NEBL: variants seen among roughly 807,000 people sequenced by gnomAD.
NEBL encodes the protein nebulette.
A neutral mutation model predicts 140.2 loss-of-function variants in NEBL; 122 were observed. The observed-to-expected ratio is 0.87, with a 90% CI of 0.75 to 1.01. The LOEUF is 1.01. NEBL is among the 50% of genes least tolerant of loss of function. The probability of loss-of-function intolerance (pLI) is 0.00; values close to 1 mark genes in which losing one functional copy is unlikely to be tolerated. For synonymous variants in NEBL, 436 were observed against 398.9 expected (o/e 1.09, Z -1.11); for missense variants, 1,365 against 1,231.3 (o/e 1.11, Z -1.62).
rs566475877 is a variant in NEBL at position 21,232,054 on chromosome 10, A to T, written n.348+15867T>A. Among the ~76,000 whole-genome samples, 4 of 152,320 alleles carry T rather than the reference A, an allele frequency of 2.6e-5. No homozygotes were observed. In the South Asian group the frequency reaches 8.3e-4, roughly 32 times the overall value. On this transcript the variant is annotated intron_variant and non_coding_transcript_variant, in intron 3 of 8. Transcript: ENST00000675702. The stretch of plus-strand genomic sequence containing the variant: ...CAAATTATAAATAGGACCCAAAGCC[A>T]TGCCAGACAAGGGTTAAGTCACACT...
chr10:20,961,291 A>G (rs955106006), intron 4 of NEBL, among the ~76,000 whole-genome samples: 1 of 152,216 alleles, frequency 6.6e-6, no homozygotes, highest in African/African-American at 2.4e-5. Flanking sequence ...ATGAAATCTT[A>G]TAGACACCTA....
At chr10:20,910,830 T>G (rs1159599562) in intron 4 of NEBL, among the ~76,000 whole-genome samples, 1 of 36,886 alleles carries the variant, frequency 2.7e-5, no homozygotes, top group African/African-American at 5.6e-5. Flanking sequence ...TCGTTTTTGT[T>G]TTTTTTTTTT....
chr10:20,927,224 T>C (rs1053881273), intron 4 of NEBL, among the ~76,000 whole-genome samples: 1 of 152,244 alleles, frequency 6.6e-6, no homozygotes, highest in African/African-American at 2.4e-5. Context: ...GTTTGGGATG[T>C]GCTGACCCGC....
At chr10:21,141,020 T>C (rs1289271427) in intron 2 of NEBL, among the ~76,000 whole-genome samples, 1 of 139,478 alleles carries the variant, frequency 7.2e-6, no homozygotes. Flanking sequence ...AATCTAATCA[T>C]GAGGAGACAT....
At chr10:20,983,922 T>C (rs1490677450) in intron 3 of NEBL, among the ~76,000 whole-genome samples, 1 of 152,258 alleles carries the variant, frequency 6.6e-6, no homozygotes, top group Non-Finnish European at 1.5e-5. Flanking sequence ...AAAATTCTTT[T>C]ATAGCAATTA....
rs1284618007 is a variant in NEBL, at chr10:20,840,758, G to T, written c.1319C>A (p.Ala440Asp). Residue 440 changes from alanine (A) to aspartate (D), a missense_variant, in exon 13 of 28, where the codon GCC becomes GAC. By Grantham distance (126) the Ala-to-Asp change is moderately radical. Around this residue, in one of 2 missense-constraint regions of NEBL, gnomAD observed 1,323 missense variants for 1,154.8 expected, o/e 1.15. Transcript: ENST00000377122. ...EVLDIQRAKR[A>D]SEMASEKEYK... ...ACTCACCTCACTTGCCATTTCAGAG[G>T]CTCGCTTTGCTCTTTGGATATCAAG... 4 of 1,609,848 alleles carry T rather than the reference G, an allele frequency of 2.5e-6. No individual in the cohort carries two copies. The highest frequency in any genetic ancestry group is 2.5e-6 in the Non-Finnish European group (3 of 1,176,828).
rs1042873153 is a variant in NEBL, at chr10:20,974,352, C to G, written c.250-12573G>C. Among the ~76,000 whole-genome samples the G allele has an allele frequency of 2.6e-5, 4 of 151,214 alleles. 1 individual carries two copies. The South Asian group carries it at 8.3e-4, about 32-fold the overall frequency. Reference sequence around the variant, plus strand: ...CACTGCAGCCTCAACGTCTTGGGCTCAAGCGATCCTCCCATCTCAGCCTTT... The same window carrying G: ...CACTGCAGCCTCAACGTCTTGGGCTGAAGCGATCCTCCCATCTCAGCCTTT... On this transcript the variant is annotated intron_variant, in intron 3 of 6. Coordinates refer to the NEBL transcript ENST00000417816.
At chr10:21,274,266 CCAGA>C (rs1842892560) in intron 1 of NEBL, among the ~76,000 whole-genome samples, 1 of 152,092 alleles carries the variant, frequency 6.6e-6, no homozygotes, top group Non-Finnish European at 1.5e-5. Context: ...GGTGATGGCC[CCAGA>C]CAGAGTCAGA....
intron 2 of NEBL, among the ~76,000 whole-genome samples, chr10:21,087,056 C>A (rs1264944255): frequency 2.0e-4 from 31 of 152,180 alleles, no homozygotes; most frequent in Admixed American, 2.0e-3. Context: ...ATTTGCCTCT[C>A]TCTCTTCTGA....
intron 2 of NEBL, among the ~76,000 whole-genome samples, chr10:21,145,970 A>C (rs1839872576): frequency 6.6e-6 from 1 of 152,170 alleles, no homozygotes; most frequent in Non-Finnish European, 1.5e-5. Context: ...GTCATTCAAC[A>C]ACAGGTCACC....
chr10:20,960,664 CAT>C (rs1275517037), intron 4 of NEBL, among the ~76,000 whole-genome samples: 2 of 151,846 alleles, frequency 1.3e-5, no homozygotes, highest in African/African-American at 4.8e-5. Flanking sequence ...TATATATACA[CAT>C]ATTTATATAT....
At chr10:21,038,195 C>T (rs1228308245) in intron 2 of NEBL, among the ~76,000 whole-genome samples, 1 of 152,096 alleles carries the variant, frequency 6.6e-6, no homozygotes, top group East Asian at 1.9e-4. Context: ...CATGCACTCC[C>T]TCCATATATT....
At chr10:21,073,651 T>C (rs1835924351) in intron 2 of NEBL, among the ~76,000 whole-genome samples, 1 of 148,986 alleles carries the variant, frequency 6.7e-6, no homozygotes, top group Admixed American at 6.7e-5. Flanking sequence ...TTTATTTCAA[T>C]CATATTACTG....
At chr10:20,900,033 G>C (rs1000915577), upstream of NEBL, among the ~76,000 whole-genome samples, 2 of 152,184 alleles carry the variant, frequency 1.3e-5, no homozygotes, top group Admixed American at 6.5e-5. Context: ...TATGAAGAAA[G>C]TGTTCCTCAT....
At chr10:21,062,856 A>AT (rs750931831) in intron 2 of NEBL, among the ~76,000 whole-genome samples, 6 of 151,542 alleles carry the variant, frequency 4.0e-5, no homozygotes, top group South Asian at 2.1e-4. Context: ...TGTGATATCA[A>AT]TTTTTTTTTA....
chr10:21,092,566 C>T (rs961146732), intron 2 of NEBL, among the ~76,000 whole-genome samples: 1 of 145,480 alleles, frequency 6.9e-6, no homozygotes, highest in African/African-American at 2.5e-5. Context: ...TTCACATGGA[C>T]TTCTTTTTAC....
intron 1 of NEBL, among the ~76,000 whole-genome samples, chr10:21,287,460 A>G (rs1435382865): frequency 6.6e-6 from 1 of 152,112 alleles, no homozygotes; most frequent in African/African-American, 2.4e-5. Context: ...AGCCTAAGCC[A>G]GGGAGGTGGA....
chr10:21,261,967 G>C (rs1238118811), intron 1 of NEBL, among the ~76,000 whole-genome samples: 1 of 152,160 alleles, frequency 6.6e-6, no homozygotes, highest in Non-Finnish European at 1.5e-5. Context: ...TTCAGTCCAA[G>C]ATATCGCCTG....
intron 3 of NEBL, among the ~76,000 whole-genome samples, chr10:20,989,202 T>C (rs1837367006): frequency 6.6e-6 from 1 of 152,196 alleles, no homozygotes; most frequent in Non-Finnish European, 1.5e-5. Context: ...TAAGTACTTG[T>C]CTCTCGAGGC....
Sources: allele counts gnomAD v4.1 joint callset (sites outside exome capture counted in the v4.1 genomes callset), GRCh38; gene constraint gnomAD v4.1.1; regional missense constraint gnomAD v4.1.1; transcripts MANE v1.5; gene names NCBI Gene and HGNC (gene_info 2026-07-23, HGNC 2026-07-21).